SMIM27: variants seen among roughly 807,000 people sequenced by gnomAD.
SMIM27 encodes the protein TOPORS antisense RNA 1 (non-protein coding).
In SMIM27, 3 loss-of-function variants were observed where a neutral mutation model predicts 1.8. The ratio of observed to expected loss-of-function variants is 1.65; its 90% CI spans 0.75 to 4.28. The LOEUF is 4.28. SMIM27 is among the 30% of genes most tolerant of loss of function. The pLI is 0.02. For synonymous variants in SMIM27, 19 were observed against 13.9 expected, an observed-to-expected ratio of 1.37 and a Z score of -0.82; for missense variants, 63 against 37.0, an observed-to-expected ratio of 1.70 and a Z score of -1.83.
At chr9:32,564,333 T>C (rs1821714338) in intron 1 of SMIM27, among the ~76,000 whole-genome samples, 1 of 152,192 alleles carries the variant, frequency 6.6e-6, no homozygotes, top group Non-Finnish European at 1.5e-5. Context: ...CTCACAGGCA[T>C]ACCTTACTTT....
chr9:32,562,039 C>T (rs540897417), intron 1 of SMIM27, among the ~76,000 whole-genome samples: 78 of 152,300 alleles, frequency 5.1e-4, no homozygotes, highest in African/African-American at 1.8e-3. Context: ...CTTCTTCTAT[C>T]TAACTTTCAA....
downstream of SMIM27, among the ~76,000 whole-genome samples, chr9:32,557,560 A>G (rs1318487082): frequency 6.6e-6 from 1 of 150,830 alleles, no homozygotes; most frequent in Non-Finnish European, 1.5e-5. Context: ...GCTCACTGCA[A>G]CCTCCGCCTT....
downstream of SMIM27, among the ~76,000 whole-genome samples, chr9:32,557,803 C>T (rs1390502065): frequency 6.6e-6 from 1 of 152,134 alleles, no homozygotes; most frequent in Non-Finnish European, 1.5e-5. Context: ...CTTAAACCAG[C>T]GTTCCAACTG....
intron 1 of SMIM27, chr9:32,565,637 C>G (rs1280489205): frequency 6.5e-6 from 1 of 152,790 alleles, no homozygotes; most frequent in African/African-American, 2.4e-5. Flanking sequence ...CAGTGAGTAC[C>G]CCAAAGTTGT....
rs532105099 is a variant in SMIM27 at position 32,552,519 on chromosome 9, A to T, written c.45+40A>T. 3 of 1,552,884 alleles carry T rather than the reference A, an allele frequency of 1.9e-6. No individual in the cohort carries two copies. The African/African-American group carries it at 4.1e-5, about 21-fold the overall frequency. On this transcript the variant is annotated intron_variant, in intron 1 of 1. Transcript: ENST00000692500. ...TCGCGGGCCCCCACCGTGTCGACTC[A>T]CTGGGCCCGCAGGCGGAAAGGCCCT...
intron 1 of SMIM27, 94 bp from the exon 2 acceptor site, chr9:32,552,707 T>G: frequency 3.0e-6 from 2 of 663,062 alleles, no homozygotes; most frequent in Non-Finnish European, 5.5e-6. Flanking sequence ...CTTTGTTACT[T>G]TAATTCCCAC....
At chr9:32,557,489 C>CT (rs376298827), downstream of SMIM27, among the ~76,000 whole-genome samples, 1,247 of 148,270 alleles carry the variant, frequency 8.4e-3, 23 homozygotes, top group African/African-American at 0.026. Flanking sequence ...TTCCTTTTTC[C>CT]TTTTTTTTTG....
At chr9:32,559,603 C>T (rs942307489) in intron 1 of SMIM27, among the ~76,000 whole-genome samples, 5 of 152,134 alleles carry the variant, frequency 3.3e-5, no homozygotes, top group African/African-American at 1.2e-4. Flanking sequence ...TTCATGATTC[C>T]TCTACCTGAA....
downstream of SMIM27, chr9:32,553,663 C>A: frequency 4.0e-6 from 2 of 501,934 alleles, no homozygotes; most frequent in Non-Finnish European, 3.5e-6. Flanking sequence ...CAAGAATGAC[C>A]AGAAAAAGTA....
intron 1 of SMIM27, among the ~76,000 whole-genome samples, chr9:32,563,726 C>G (rs898395490): frequency 1.3e-5 from 2 of 152,042 alleles, no homozygotes; most frequent in Non-Finnish European, 1.5e-5. Flanking sequence ...ATTATTGCAT[C>G]AAAAAGCTTT....
intron 1 of SMIM27, chr9:32,558,842 T>C: frequency 2.7e-6 from 3 of 1,114,010 alleles, no homozygotes; most frequent in Admixed American, 4.1e-5. Flanking sequence ...TAATAATTGC[T>C]TGGAAAGGGA....
chr9:32,552,419 C>T lies in SMIM27; in HGVS notation c.-16C>T. Reference sequence around the variant, plus strand: ...AGCTCCCGCCAGCTCCCGCGGACTGCTGCCGCCTCCTTACCATGAAGCCAG... The same window carrying T: ...AGCTCCCGCCAGCTCCCGCGGACTGTTGCCGCCTCCTTACCATGAAGCCAG... On this transcript the variant is annotated 5_prime_UTR_variant, in exon 1 of 2. Transcript: ENST00000692500. 1 of 1,609,084 alleles carries T rather than the reference C, an allele frequency of 6.2e-7. No individual in the cohort carries two copies. Among genetic ancestry groups the T allele is most frequent in the Non-Finnish European group, 8.5e-7 (1 of 1,178,188 alleles).
chr9:32,566,381 T>C, intron 1 of SMIM27: 1 of 1,090,280 alleles, frequency 9.2e-7, no homozygotes, highest in Non-Finnish European at 1.4e-6. Flanking sequence ...GTTTCCACTA[T>C]GTGATCCAGG....
In SMIM27 at chr9:32,553,006, T is replaced by G; in HGVS notation, c.*83T>G. 1 of 596,336 alleles carries G rather than the reference T, an allele frequency of 1.7e-6. No individual in the cohort carries two copies. The highest frequency in any genetic ancestry group is 3.0e-6 in the Non-Finnish European group (1 of 335,282). The allele number at this position is 596,336 out of a possible 1,614,324, so 36.9% of individuals were successfully genotyped here. A position where few individuals can be genotyped will look rare whatever the true frequency, so the allele number is the denominator to read the frequency against. Reference sequence around the variant, plus strand: ...TAAAAATAAAATTCATAATGCAAAGTTCCCAAGTTTATTTTTGCATTATCC... The same window carrying G: ...TAAAAATAAAATTCATAATGCAAAGGTCCCAAGTTTATTTTTGCATTATCC... On this transcript the variant is annotated 3_prime_UTR_variant, in exon 2 of 2. Transcript: ENST00000692500.
chr9:32,557,526 C>A (rs1306065645), downstream of SMIM27, among the ~76,000 whole-genome samples: 1 of 151,516 alleles, frequency 6.6e-6, no homozygotes, highest in African/African-American at 2.4e-5. Context: ...ATTTCTGAGG[C>A]TGGAGTGCAG....
chr9:32,553,089 C>A (rs576287954), downstream of SMIM27: 1 of 507,832 alleles, frequency 2.0e-6, no homozygotes, highest in Non-Finnish European at 3.5e-6. Flanking sequence ...ATTTTACATT[C>A]TCATGACAAA....
intron 1 of SMIM27, chr9:32,566,056 G>C: frequency 2.6e-6 from 1 of 381,268 alleles, no homozygotes; most frequent in Non-Finnish European, 4.7e-6. Context: ...TTTTCCAGGA[G>C]CTACTGGAGT....
chr9:32,551,885 G>A, upstream of SMIM27: 1 of 389,600 alleles, frequency 2.6e-6, no homozygotes, highest in Non-Finnish European at 5.4e-6. Flanking sequence ...ATTTACAGGG[G>A]TTCCCACAAC....
At chr9:32,566,726 C>A in exon 2 of SMIM27, 1 of 898,102 alleles carries the variant, frequency 1.1e-6, no homozygotes. Flanking sequence ...ATCGGGACTC[C>A]AAGCCTTCAA....
Sources: allele counts gnomAD v4.1 joint callset (sites outside exome capture counted in the v4.1 genomes callset), GRCh38; gene constraint gnomAD v4.1.1; transcripts MANE v1.5; gene names NCBI Gene and HGNC (gene_info 2026-07-23, HGNC 2026-07-21).